The following RNF213 variants were observed in gnomAD, a reference collection of about 807,000 sequenced individuals.
RNF213 encodes the protein ring finger protein 213, also known as E3 ubiquitin-protein ligase RNF213.
Under a neutral mutation model 514.4 loss-of-function variants are expected in RNF213, and 341 were observed. The ratio of observed to expected loss-of-function variants is 0.66; its 90% CI spans 0.61 to 0.73. RNF213 has a LOEUF of 0.73. Ranked by LOEUF, RNF213 falls within the 30% of genes least tolerant of loss-of-function variation. RNF213 has a pLI of 0.00. For synonymous variants in RNF213, 2,655 were observed against 2,658.2 expected (o/e 1.00, Z 0.04); for missense variants, 5,767 against 6,615.6 (o/e 0.87, Z 4.45).
intron 3 of RNF213, 65 bp downstream of exon 3, chr17:80,273,469 A>C (rs919576429): frequency 1.3e-5 from 21 of 1,597,784 alleles, no homozygotes; most frequent in Non-Finnish European, 1.7e-5. Flanking sequence ...CTCACTGCAC[A>C]GCTGCCCAGC....
Position 80,347,290 on chromosome 17 carries a change from G to A in RNF213, c.8955G>A (p.Arg2985=), listed in dbSNP as rs770546402. 38 of 1,613,792 alleles carry A rather than the reference G, an allele frequency of 2.4e-5. 1 individual carries two copies. Among genetic ancestry groups the A allele is most frequent in the African/African-American group, 2.7e-5 (2 of 74,926 alleles). The part of the protein sequence containing the change: ...SPQDIAQAVL[R]NFSGKDDIQA... ...AAGACATTGCACAGGCTGTCCTTAG[G>A]AACTTCAGTGGCAAGGATGACATCC... The change falls in exon 29 of 68, where the codon AGG becomes AGA. Residue 2985 remains arginine, a synonymous_variant. Transcript: ENST00000582970. This position sits in a 1 kb window ranked among gnomAD's most constrained non-coding sequence, Gnocchi z 7.2.
In RNF213 at chr17:80,345,613, A is replaced by C; in HGVS notation, c.7278A>C (p.Lys2426Asn). 2 of 1,614,110 alleles carry C rather than the reference A, an allele frequency of 1.2e-6. No individual in the cohort carries two copies. Among genetic ancestry groups the C allele is most frequent in the Non-Finnish European group, 1.7e-6 (2 of 1,179,972 alleles). ...VIIMGETGCG[K>N]TRLIKFLSDL... is the part of the protein sequence containing the mutation. ...TCATGGGAGAAACTGGCTGTGGGAAAACCAGGCTTATTAAATTCCTTAGCG... is the reference window on the plus strand; with the variant it reads ...TCATGGGAGAAACTGGCTGTGGGAACACCAGGCTTATTAAATTCCTTAGCG... Residue 2426 changes from lysine to asparagine, a missense_variant, in exon 29 of 68, where the codon AAA becomes AAC. Transcript: ENST00000582970. This position sits in a 1 kb window ranked among gnomAD's most constrained non-coding sequence, Gnocchi z 6.0.
rs1214334741 is a variant in RNF213, at chr17:80,372,519, A to G, written c.12538-2A>G. 2 of 1,608,826 alleles carry G rather than the reference A, an allele frequency of 1.2e-6. No homozygotes were observed. Among genetic ancestry groups the G allele is most frequent in the Non-Finnish European group, 8.5e-7 (1 of 1,175,680 alleles). On this transcript the variant is annotated splice_acceptor_variant, in intron 47 of 67. Transcript: ENST00000582970. LOFTEE classifies it high-confidence loss of function. ...TTTTCTTTCTTGTTCCTTGTTCCTC[A>G]GGATTCAATACTTGAGAAGACCAGT...
At chr17:80,298,254 T>C (rs1014809542) in intron 10 of RNF213, 67 bp from the exon 11 acceptor site, 9 of 1,551,488 alleles carry the variant, frequency 5.8e-6, no homozygotes, top group African/African-American at 1.4e-5. Flanking sequence ...CTGTTGGGAC[T>C]CCAGACTCCC....
Position 80,364,415 on chromosome 17 carries a change from G to T in RNF213, c.11751-18G>T. On this transcript the variant is annotated intron_variant, in intron 41 of 67. Coordinates refer to ENST00000582970, the MANE Select transcript of RNF213 (RefSeq NM_001256071.3). ...GTGGGAGCCGAGTGAGTGAGTGAGT[G>T]GCGCCCTCTTTTGACAGAGCCCAGT... 1 of 1,613,934 alleles carries T rather than the reference G, an allele frequency of 6.2e-7. No homozygotes were observed. Among genetic ancestry groups the T allele is most frequent in the Non-Finnish European group, 8.5e-7 (1 of 1,180,020 alleles).
At chr17:80,334,380 G>A (rs146970619) in intron 22 of RNF213, 110 bp downstream of exon 22, 19 of 1,193,264 alleles carry the variant, frequency 1.6e-5, no homozygotes, top group South Asian at 1.3e-4. Flanking sequence ...CAAGGACTAC[G>A]TAAAGGGCAG....
At position 80,395,645 on chromosome 17, in the gene RNF213, A is replaced by G. The variant is rs1254408303; in HGVS notation, c.*2147A>G. 1.3e-5 allele frequency: 2 copies of G among 152,278 alleles called. No individual in the cohort carries two copies. Among genetic ancestry groups the G allele is most frequent in the African/African-American group, 4.8e-5 (2 of 41,444 alleles). The allele number at this position is 152,278 out of a possible 1,614,324, so 9.4% of individuals were successfully genotyped here. ...CACTGGACACAGCGGGGCTGCAGCT[A>G]ACGGGGTACAGGTAGGAGCTAACTA... On this transcript the variant is annotated 3_prime_UTR_variant, in exon 68 of 68. Coordinates refer to ENST00000582970, the MANE Select transcript of RNF213 (RefSeq NM_001256071.3).
chr17:80,336,292 C>A lies in RNF213; in HGVS notation c.4441C>A (p.Pro1481Thr). The A allele has an allele frequency of 6.5e-7, 1 of 1,537,204 alleles. No individual in the cohort carries two copies. The highest frequency in any genetic ancestry group is 8.7e-7 in the Non-Finnish European group (1 of 1,146,916). ...GYASLLFKLD[P>T]SVDFSAFMKH... ...CGCATCCCTGCTATTTAAGCTGGAC[C>A]CCAGCGTGGACTTCAGTGCATTCAT... is the stretch of plus-strand genomic sequence containing the variant. The change falls in exon 23 of 68, where the codon CCC becomes ACC. Residue 1481 changes from proline (P) to threonine (T), a missense_variant. Around this residue, in one of 13 missense-constraint regions of RNF213, gnomAD observed 1,377 missense variants for 1,635.2 expected, o/e 0.84. Coordinates refer to ENST00000582970, the MANE Select transcript of RNF213 (RefSeq NM_001256071.3).
At chr17:80,356,330 C>T (rs992297905) in intron 36 of RNF213, among the ~76,000 whole-genome samples, 2 of 152,132 alleles carry the variant, frequency 1.3e-5, no homozygotes, top group African/African-American at 4.8e-5. Context: ...CCTGACTCCA[C>T]TCCCCGGGAC....
At chr17:80,306,663 AAC>A (rs1455079283) in intron 12 of RNF213, among the ~76,000 whole-genome samples, 195 bp downstream of exon 12, 10 of 152,112 alleles carry the variant, frequency 6.6e-5, no homozygotes, top group Non-Finnish European at 1.5e-4. Flanking sequence ...CATCCTGGCT[AAC>A]ACAGTGAAAC....
rs1568135235 is a variant in RNF213, at chr17:80,363,205, G to GT, written c.11462dup (p.Arg3822GlnfsTer29). 6.2e-7 allele frequency: 1 copy of GT among 1,614,170 alleles called. No homozygotes were observed. The highest frequency in any genetic ancestry group is 2.2e-5 in the East Asian group (1 of 44,886). ...CCGTGGGTGCACCTTGCCTACCAGC[G>GT]TTTCAGAAGCCGTCTGCAGAACTTT... On this transcript the variant is annotated frameshift_variant, in exon 40 of 68. Transcript: ENST00000582970. LOFTEE classifies it high-confidence loss of function.
chr17:80,382,614 G>A (rs1313923684), intron 57 of RNF213: 6 of 300,512 alleles, frequency 2.0e-5, no homozygotes, highest in Non-Finnish European at 3.9e-5. Context: ...GACAGTTCCC[G>A]CAGCACTCCA....
rs753079463 is a variant in RNF213, at chr17:80,354,061, C to T, written c.10621C>T (p.Gln3541Ter). 1 of 1,614,012 alleles carries T rather than the reference C, an allele frequency of 6.2e-7. No individual in the cohort carries two copies. Among genetic ancestry groups the T allele is most frequent in the Non-Finnish European group, 8.5e-7 (1 of 1,180,044 alleles). The change falls in exon 35 of 68, where the codon CAG becomes TAG. Residue 3541 changes from glutamine to a stop codon, truncating the protein, a stop_gained. Coordinates refer to ENST00000582970, the MANE Select transcript of RNF213 (RefSeq NM_001256071.3). LOFTEE classifies it high-confidence loss of function. The part of the protein sequence containing the change: ...DTTRLLRSCV[Q>*]SAVGMLRDQN... ...CACCAGGCTGCTGAGAAGCTGTGTGCAGAGCGCCGTGGGCATGCTCAGAGA... is the reference window on the plus strand; with the variant it reads ...CACCAGGCTGCTGAGAAGCTGTGTGTAGAGCGCCGTGGGCATGCTCAGAGA...
chr17:80,292,005 C>T (rs575837232), intron 8 of RNF213, 178 bp downstream of exon 8: 1 of 706,956 alleles, frequency 1.4e-6, no homozygotes, highest in African/African-American at 1.8e-5. Context: ...GGTTGTGTCT[C>T]TGGTTGGTTA....
At chr17:80,381,753 G>T in intron 57 of RNF213, 26 bp downstream of exon 57, 1 of 1,604,018 alleles carries the variant, frequency 6.2e-7, no homozygotes. Context: ...AGGGCTGGGC[G>T]GGGATCACAC....
chr17:80,323,251 A>G (rs748091540), intron 17 of RNF213, among the ~76,000 whole-genome samples: 10 of 152,212 alleles, frequency 6.6e-5, no homozygotes, highest in South Asian at 2.1e-4. Flanking sequence ...CTACTTGCCT[A>G]TCCTTGTGTC....
chr17:80,332,281 G>C lies in RNF213; in HGVS notation c.3793G>C (p.Glu1265Gln), dbSNP rs2046437398. Residue 1265 changes from glutamate to glutamine, a missense_variant, in exon 21 of 68, where the codon GAA (glutamate) becomes CAA (glutamine). Physicochemically the swap from Glu to Gln is conservative, Grantham distance 29. Around this residue, in one of 13 missense-constraint regions of RNF213, gnomAD observed 516 missense variants for 566.5 expected, o/e 0.91. Coordinates refer to ENST00000582970, the MANE Select transcript of RNF213 (RefSeq NM_001256071.3). ...ELLSEPEEESERHILELEEVY... is the reference protein window; with the variant it reads ...ELLSEPEEESQRHILELEEVY... ...GCTGAGTGAGCCCGAAGAAGAATCA[G>C]AAAGGCACATCCTTGAGCTTGAAGA... 6.5e-7 allele frequency: 1 copy of C among 1,537,098 alleles called. No individual in the cohort carries two copies. Among genetic ancestry groups the C allele is most frequent in the Non-Finnish European group, 8.7e-7 (1 of 1,146,926 alleles).
At chr17:80,330,179 G>T (rs186197293) in intron 20 of RNF213, among the ~76,000 whole-genome samples, 341 of 152,250 alleles carry the variant, frequency 2.2e-3, no homozygotes, top group African/African-American at 5.4e-3. Flanking sequence ...TCTTGTTCAC[G>T]TTGCAGCATC....
At chr17:80,268,091 G>C (rs1270365252) in intron 2 of RNF213, among the ~76,000 whole-genome samples, 1 of 151,762 alleles carries the variant, frequency 6.6e-6, no homozygotes, top group Non-Finnish European at 1.5e-5. Flanking sequence ...AAAGTACCGG[G>C]GCTATAGGCA....
Sources: gnomAD v4.1 joint callset for allele counts (sites outside exome capture counted in the v4.1 genomes callset) on GRCh38, gnomAD v4.1.1 for gene constraint, gnomAD v4.1.1 regional missense constraint, Gnocchi (gnomAD v3.1) non-coding constraint, MANE v1.5 for transcripts, NCBI Gene and HGNC (gene_info 2026-07-23, HGNC 2026-07-21) for gene names.